Variants in FRMPD4 observed in about 807,000 individuals in gnomAD.
The protein encoded by FRMPD4 is FERM and PDZ domain containing 4.
FRMPD4 carries 22 observed loss-of-function variants against 94.1 expected under a neutral mutation model. That is an observed-to-expected ratio of 0.23 (90% CI 0.17 to 0.33). The LOEUF (loss-of-function observed/expected upper bound fraction) is 0.33, where lower values mean the gene tolerates loss of function less well. Ranked by LOEUF, FRMPD4 falls within the 10% of genes least tolerant of loss-of-function variation. The pLI, the probability that FRMPD4 is intolerant of heterozygous loss-of-function variation, is 1.00. For synonymous variants in FRMPD4, 631 were observed against 548.6 expected, an observed-to-expected ratio of 1.15 and a Z score of -2.10; for missense variants, 1,111 against 1,339.9, an observed-to-expected ratio of 0.83 and a Z score of 2.67.
At chrX:12,473,632 A>T (rs1302071333) in intron 1 of FRMPD4, among the ~76,000 whole-genome samples, 1 of 109,804 alleles carries the variant, frequency 9.1e-6, no homozygotes, top group East Asian at 2.8e-4. Flanking sequence ...CTACCAAGCA[A>T]ATGGAAAACA....
intron 3 of FRMPD4, among the ~76,000 whole-genome samples, chrX:12,041,981 A>G (rs2054758444): frequency 9.0e-6 from 1 of 111,711 alleles, no homozygotes; most frequent in African/African-American, 3.2e-5. Flanking sequence ...TTCAGTTTGG[A>G]TGACTGGGTG....
At chrX:12,625,693 A>G (rs771492740) in intron 4 of FRMPD4, among the ~76,000 whole-genome samples, 4 of 111,801 alleles carry the variant, frequency 3.6e-5, no homozygotes, top group Non-Finnish European at 5.6e-5. Context: ...AAATACAGTT[A>G]GATGAATAAA....
Position 12,556,311 on chromosome X carries a change from T to C in FRMPD4, c.159-53410T>C, listed in dbSNP as rs143426560. Among the ~76,000 whole-genome samples, 387 of 111,097 alleles carry C rather than the reference T, an allele frequency of 3.5e-3. 4 individuals are homozygous for C. The highest frequency in any genetic ancestry group is 0.012 in the African/African-American group (352 of 30,538). On this transcript the variant is annotated intron_variant, in intron 2 of 16. Transcript: ENST00000675598. ...GACATTAATTTAATCAAAATGGAGATTATCTTGGGTGGGTCTGCCCTAATC... is the reference window on the plus strand; with the variant it reads ...GACATTAATTTAATCAAAATGGAGACTATCTTGGGTGGGTCTGCCCTAATC...
intron 1 of FRMPD4, among the ~76,000 whole-genome samples, chrX:12,463,853 C>T (rs747297256): frequency 9.1e-6 from 1 of 109,327 alleles, no homozygotes; most frequent in South Asian, 4.0e-4. Context: ...GGGACCTCAA[C>T]CCCCCTAGAG....
At chrX:12,544,167 A>G (rs1355706352) in intron 2 of FRMPD4, among the ~76,000 whole-genome samples, 1 of 109,865 alleles carries the variant, frequency 9.1e-6, no homozygotes, top group Non-Finnish European at 1.9e-5. Context: ...GCACACCAAC[A>G]TGGCACATGT....
intron 2 of FRMPD4, among the ~76,000 whole-genome samples, chrX:12,544,566 T>C (rs767484026): frequency 1.8e-5 from 2 of 112,060 alleles, no homozygotes; most frequent in Non-Finnish European, 3.8e-5. Flanking sequence ...CAATCTCAGT[T>C]ACTGAGATGA....
chrX:12,304,100 G>A (rs1765214484), intron 1 of FRMPD4, among the ~76,000 whole-genome samples: 1 of 111,437 alleles, frequency 9.0e-6, no homozygotes, highest in Non-Finnish European at 1.9e-5. Flanking sequence ...AATATGACAT[G>A]ATTGATTTAT....
At chrX:12,313,544 A>G (rs1285792340) in intron 1 of FRMPD4, among the ~76,000 whole-genome samples, 2 of 112,827 alleles carry the variant, frequency 1.8e-5, no homozygotes, top group Non-Finnish European at 3.7e-5. Flanking sequence ...ATCAACAGAT[A>G]GGAGGAATGA....
chrX:12,029,738 A>G (rs1299301199), intron 3 of FRMPD4, among the ~76,000 whole-genome samples: 1 of 111,820 alleles, frequency 8.9e-6, no homozygotes, highest in Non-Finnish European at 1.9e-5. Flanking sequence ...CACTCAGCCA[A>G]TATCCCGTTT....
chrX:12,151,339 G>A (rs1416205962), intron 1 of FRMPD4, among the ~76,000 whole-genome samples: 1 of 111,457 alleles, frequency 9.0e-6, no homozygotes, highest in Non-Finnish European at 1.9e-5. Flanking sequence ...ATACGTGAGG[G>A]GGTGGGGTGC....
intron 1 of FRMPD4, among the ~76,000 whole-genome samples, chrX:12,465,816 T>TA (rs2148163602): frequency 8.9e-6 from 1 of 112,151 alleles, no homozygotes; most frequent in African/African-American, 3.2e-5. Flanking sequence ...ATATTTAATG[T>TA]AAAAAACAAC....
chrX:12,564,682 A>G (rs2058694431), intron 2 of FRMPD4, among the ~76,000 whole-genome samples: 1 of 111,916 alleles, frequency 8.9e-6, no homozygotes, highest in African/African-American at 3.2e-5. Context: ...CGTGATTCCT[A>G]TTATAGCCCT....
chrX:12,517,945 G>A (rs1190450748), intron 2 of FRMPD4, among the ~76,000 whole-genome samples: 3 of 112,614 alleles, frequency 2.7e-5, no homozygotes, highest in South Asian at 7.3e-4. Flanking sequence ...CCGGTGAGTA[G>A]AGAGGGGTCA....
chrX:12,052,037 A>C (rs756720268), intron 3 of FRMPD4, among the ~76,000 whole-genome samples: 1 of 112,139 alleles, frequency 8.9e-6, no homozygotes, highest in East Asian at 2.8e-4. Flanking sequence ...CAGCAATTTT[A>C]TTACTCATTT....
At chrX:12,304,451 A>G (rs749653389) in intron 1 of FRMPD4, among the ~76,000 whole-genome samples, 24 of 111,404 alleles carry the variant, frequency 2.2e-4, no homozygotes, top group Non-Finnish European at 3.8e-4. Flanking sequence ...TAGCTGTGAC[A>G]GTCAGAAACG....
At chrX:12,656,720 A>C (rs1205863450) in intron 4 of FRMPD4, among the ~76,000 whole-genome samples, 1 of 112,230 alleles carries the variant, frequency 8.9e-6, no homozygotes, top group East Asian at 2.8e-4. Flanking sequence ...GGAAAGGAGC[A>C]TGGGGGCTTC....
At chrX:12,650,442 A>G (rs746292236) in intron 4 of FRMPD4, among the ~76,000 whole-genome samples, 1 of 90,382 alleles carries the variant, frequency 1.1e-5, no homozygotes, top group African/African-American at 3.4e-5. Context: ...TTCGTTGCAT[A>G]GTAGGCACTT....
At chrX:12,365,994 G>T (rs938612127) in intron 1 of FRMPD4, among the ~76,000 whole-genome samples, 3 of 112,412 alleles carry the variant, frequency 2.7e-5, no homozygotes, top group African/African-American at 9.7e-5. Context: ...CAAGGGTTCA[G>T]ATTGGCAACA....
At chrX:12,106,514 C>T (rs752472052) in intron 3 of FRMPD4, among the ~76,000 whole-genome samples, 15 of 111,074 alleles carry the variant, frequency 1.4e-4, no homozygotes, top group African/African-American at 3.6e-4. Context: ...TTCCAACGGA[C>T]GTACCGGGTT....
Sources: gnomAD v4.1 joint callset for allele counts (sites outside exome capture counted in the v4.1 genomes callset) on GRCh38, gnomAD v4.1.1 for gene constraint, MANE v1.5 for transcripts, NCBI Gene and HGNC (gene_info 2026-07-23, HGNC 2026-07-21) for gene names.